The following NECAB1 variants were observed in gnomAD, a reference collection of about 807,000 sequenced individuals.
NECAB1 encodes N-terminal EF-hand calcium binding protein 1.
A neutral mutation model predicts 57.5 loss-of-function variants in NECAB1; 29 were observed. The ratio of observed to expected loss-of-function variants is 0.50; its 90% CI spans 0.38 to 0.69. The LOEUF is 0.69. Ranked by LOEUF, NECAB1 falls within the 30% of genes least tolerant of loss-of-function variation. The pLI is 0.00. For synonymous variants in NECAB1, 142 were observed against 147.7 expected (o/e 0.96, Z 0.28); for missense variants, 372 against 413.8 (o/e 0.90, Z 0.88).
rs1373062198 is a variant in NECAB1, at chr8:90,791,793, G to T, written c.-94G>T. ...GAACACCCTCCCGGATCCAGAGCCC[G>T]GCGGCGGCGAAGCAGCAGCTGCGGC... On this transcript the variant is annotated 5_prime_UTR_variant, in exon 1 of 13. Coordinates refer to ENST00000417640, the MANE Select transcript of NECAB1 (RefSeq NM_022351.5). 1.0e-6 allele frequency: 1 copy of T among 976,966 alleles called. No individual in the cohort carries two copies. The highest frequency in any genetic ancestry group is 1.5e-5 in the South Asian group (1 of 67,910). 60.5% of individuals were successfully genotyped at this position (976,966 alleles called of 1,614,324 possible).
chr8:90,911,100 C>T (rs1195808513), intron 5 of NECAB1, among the ~76,000 whole-genome samples: 1 of 152,160 alleles, frequency 6.6e-6, no homozygotes, highest in Non-Finnish European at 1.5e-5. Flanking sequence ...ATGCCACCAA[C>T]ATGGCCATCT....
At position 90,892,141 on chromosome 8, in the gene NECAB1, C is replaced by G. The variant is rs147478507; in HGVS notation, c.357+11011C>G. The stretch of plus-strand genomic sequence containing the variant: ...TTGTAAGGATTTTTCCTGGTTTTCT[C>G]AGGAGCATCAGAAGACATAGCTTAT... On this transcript the variant is annotated intron_variant, in intron 5 of 12. Transcript: ENST00000417640. Among the ~76,000 whole-genome samples the G allele has an allele frequency of 2.3e-3, 343 of 152,266 alleles. 2 individuals are homozygous for G. The highest frequency in any genetic ancestry group is 7.9e-3 in the African/African-American group (328 of 41,564).
chr8:90,937,154 T>C (rs1236432566), intron 9 of NECAB1, among the ~76,000 whole-genome samples: 1 of 152,156 alleles, frequency 6.6e-6, no homozygotes, highest in Admixed American at 6.6e-5. Flanking sequence ...CTGGAATAAA[T>C]AGTTTATTAA....
intron 8 of NECAB1, among the ~76,000 whole-genome samples, chr8:90,932,040 C>T (rs891698759): frequency 6.6e-6 from 1 of 152,072 alleles, no homozygotes; most frequent in African/African-American, 2.4e-5. Context: ...ATCATCAGAT[C>T]ACAGGACATT....
intron 3 of NECAB1, among the ~76,000 whole-genome samples, chr8:90,857,222 T>G (rs1226142381): frequency 6.6e-6 from 1 of 152,194 alleles, no homozygotes; most frequent in Non-Finnish European, 1.5e-5. Context: ...TAAATTTCTA[T>G]GTTTTTACTG....
At chr8:90,951,901 T>C (rs1238757505) in intron 12 of NECAB1, among the ~76,000 whole-genome samples, 4 of 152,082 alleles carry the variant, frequency 2.6e-5, no homozygotes, top group African/African-American at 7.2e-5. Context: ...AAAGATGAGA[T>C]GTGGAAAAGT....
chr8:90,804,773 A>T (rs927662766), intron 2 of NECAB1, among the ~76,000 whole-genome samples: 1 of 152,108 alleles, frequency 6.6e-6, no homozygotes, highest in African/African-American at 2.4e-5. Flanking sequence ...TTCTCAGTGT[A>T]AAGTTGGAGG....
chr8:90,813,234 TACACACACACACACAC>T (rs398008736), intron 2 of NECAB1: 3 of 85,530 alleles, frequency 3.5e-5, no homozygotes, highest in African/African-American at 9.2e-5. Context: ...TATGTATATA[TACACACACACACACAC>T]ACACACACAC....
chr8:90,941,574 A>C (rs1810671538), intron 10 of NECAB1, among the ~76,000 whole-genome samples: 1 of 152,234 alleles, frequency 6.6e-6, no homozygotes, highest in Non-Finnish European at 1.5e-5. Context: ...CTTAACTGGG[A>C]ACCTAAAGTA....
At chr8:90,802,358 A>G (rs1811772075) in intron 2 of NECAB1, among the ~76,000 whole-genome samples, 1 of 152,254 alleles carries the variant, frequency 6.6e-6, no homozygotes, top group African/African-American at 2.4e-5. Flanking sequence ...TGACTGCACA[A>G]CATCTAAGTT....
In NECAB1 at chr8:90,897,074, T is replaced by A. The variant is rs201590423; in HGVS notation, c.357+15944T>A. ...TTGCTTTGCTGAGAAAAAGAAAATT[T>A]AAAAAAAATAATTAAAAAAAAGAAT... On this transcript the variant is annotated intron_variant, in intron 5 of 12. Transcript: ENST00000417640. Among the ~76,000 whole-genome samples, 424 of 151,582 alleles carry A rather than the reference T, an allele frequency of 2.8e-3. 2 individuals carry two copies. Among genetic ancestry groups the A allele is most frequent in the Middle Eastern group, 0.01 (3 of 294 alleles).
rs1554575432 is a variant in NECAB1 at position 90,917,870 on chromosome 8, A to ATATGTGTG, written c.494+243_494+244insATGTGTGT. On this transcript the variant is annotated intron_variant, in intron 6 of 12. Transcript: ENST00000417640. ...TATATATATATATATATATATATAT[A>ATATGTGTG]TGTGTGTGTGTGCGTGTATATATAT... 1.5e-3 allele frequency among the ~76,000 whole-genome samples: 99 copies of ATATGTGTG among 64,242 alleles called. 5 individuals are homozygous for ATATGTGTG. In the East Asian group the frequency reaches 0.045, roughly 29 times the overall value. 42.1% of individuals were successfully genotyped at this position (64,242 alleles called of 152,430 possible).
chr8:90,850,847 A>T (rs2129775641), intron 3 of NECAB1, among the ~76,000 whole-genome samples: 1 of 152,286 alleles, frequency 6.6e-6, no homozygotes, highest in Non-Finnish European at 1.5e-5. Flanking sequence ...GGATGAGAGG[A>T]ACATCTTTTG....
chr8:90,819,276 G>T (rs1391211428), intron 2 of NECAB1, among the ~76,000 whole-genome samples: 1 of 151,784 alleles, frequency 6.6e-6, no homozygotes, highest in Admixed American at 6.6e-5. Context: ...ATAATTGTAT[G>T]ATTTGTGTCA....
intron 3 of NECAB1, among the ~76,000 whole-genome samples, chr8:90,827,411 C>A (rs926357503): frequency 6.6e-6 from 1 of 152,018 alleles, no homozygotes; most frequent in Non-Finnish European, 1.5e-5. Context: ...GGCTACCCAG[C>A]TCCTGCCTTT....
intron 5 of NECAB1, among the ~76,000 whole-genome samples, chr8:90,901,485 C>T (rs920605630): frequency 6.6e-6 from 1 of 152,166 alleles, no homozygotes; most frequent in African/African-American, 2.4e-5. Flanking sequence ...AAAAGCTTTT[C>T]GTGTTTTGTG....
intron 3 of NECAB1, among the ~76,000 whole-genome samples, chr8:90,860,087 C>A (rs1438341888): frequency 1.3e-5 from 2 of 152,072 alleles, no homozygotes; most frequent in African/African-American, 2.4e-5. Flanking sequence ...TACCGGCCAC[C>A]CACCAATTGT....
intron 6 of NECAB1, among the ~76,000 whole-genome samples, chr8:90,920,905 C>A (rs184781633): frequency 2.8e-4 from 42 of 152,294 alleles, no homozygotes; most frequent in African/African-American, 9.6e-5. Flanking sequence ...GAGTGCTACA[C>A]AGGAGCAGTT....
chr8:90,904,747 T>C (rs73298014), intron 5 of NECAB1, among the ~76,000 whole-genome samples: 16,170 of 152,086 alleles, frequency 0.11, 1,015 homozygotes, highest in African/African-American at 0.18. Context: ...AGTTAGAACA[T>C]GTATAGAAAC....
Sources: gnomAD v4.1 joint callset for allele counts (sites outside exome capture counted in the v4.1 genomes callset) on GRCh38, gnomAD v4.1.1 for gene constraint, MANE v1.5 for transcripts, NCBI Gene and HGNC (gene_info 2026-07-23, HGNC 2026-07-21) for gene names.